Variants in ATRNL1 observed in about 807,000 individuals in gnomAD.
The protein encoded by ATRNL1 is attractin like 1, also known as attractin-like protein 1.
A neutral mutation model predicts 182.7 loss-of-function variants in ATRNL1; 95 were observed. That is an observed-to-expected ratio of 0.52 (90% CI 0.44 to 0.62). The LOEUF (loss-of-function observed/expected upper bound fraction) is 0.62, where lower values mean the gene tolerates loss of function less well. Among genes scored for constraint, ATRNL1 ranks in the 20% least tolerant of loss-of-function variants. ATRNL1 has a pLI of 0.00. For missense variants in ATRNL1, 1,471 were observed against 1,679.5 expected, an observed-to-expected ratio of 0.88 and a Z score of 2.17; for synonymous variants, 576 against 568.3, an observed-to-expected ratio of 1.01 and a Z score of -0.19.
In ATRNL1 at chr10:115,389,550, A is replaced by ATATG. The variant is rs1271389741; in HGVS notation, c.3176-5106_3176-5105insGTAT. Among the ~76,000 whole-genome samples, 14 of 54,774 alleles carry ATATG rather than the reference A, an allele frequency of 2.6e-4. 1 individual carries two copies. Among genetic ancestry groups the ATATG allele is most frequent in the African/African-American group, 8.8e-4 (14 of 15,924 alleles). The allele number at this position is 54,774 out of a possible 152,430, so 35.9% of individuals were successfully genotyped here. A position where few individuals can be genotyped will look rare whatever the true frequency, so the allele number is the denominator to read the frequency against. ...TTCAAATGTGTATGTGTATATATAT[A>ATATG]TATATATATATATATATATATATAT... On this transcript the variant is annotated intron_variant, in intron 19 of 28. Transcript: ENST00000355044.
Position 115,394,511 on chromosome 10 carries a change from A to G in ATRNL1, c.3176-148A>G, listed in dbSNP as rs1185422188. ...GTGAATTTACTTCCCTTTAATTAAAAATAATTTATACTATCTGGTAACCTT... is the reference window on the plus strand; with the variant it reads ...GTGAATTTACTTCCCTTTAATTAAAGATAATTTATACTATCTGGTAACCTT... On this transcript the variant is annotated intron_variant, in intron 19 of 28. Coordinates refer to ENST00000355044, the MANE Select transcript of ATRNL1 (RefSeq NM_207303.4). 22 of 607,352 alleles carry G rather than the reference A, an allele frequency of 3.6e-5. No individual in the cohort carries two copies. The East Asian group carries it at 6.4e-4, about 18-fold the overall frequency. The allele number at this position is 607,352 out of a possible 1,614,324, so 37.6% of individuals were successfully genotyped here.
Position 115,241,715 on chromosome 10 carries a change from A to T in ATRNL1, c.1677A>T (p.Ala559=), listed in dbSNP as rs782134913. ...AATGTTTTTCTGCCGATTTCCTGGC[A>T]TATGACATAGGTATGTATCTGTTAG... ...GAKCFSADFL[A]YDIACDEWKI... The change falls in exon 10 of 29, where the codon GCA becomes GCT. Residue 559 remains alanine, a synonymous_variant. Coordinates refer to ENST00000355044, the MANE Select transcript of ATRNL1 (RefSeq NM_207303.4). 22 of 1,609,614 alleles carry T rather than the reference A, an allele frequency of 1.4e-5. No individual in the cohort carries two copies. Among genetic ancestry groups the T allele is most frequent in the Non-Finnish European group, 1.7e-5 (20 of 1,176,918 alleles).
intron 27 of ATRNL1, among the ~76,000 whole-genome samples, chr10:115,789,670 C>A (rs1555081208): frequency 6.6e-6 from 1 of 152,176 alleles, no homozygotes; most frequent in Non-Finnish European, 1.5e-5. Context: ...TTTAAAATTT[C>A]TTTGCCCTAC....
chr10:115,230,274 C>A (rs73376400), intron 9 of ATRNL1, among the ~76,000 whole-genome samples: 1,884 of 152,164 alleles, frequency 0.012, 32 homozygotes, highest in African/African-American at 0.043. Context: ...GAAAAGAAAG[C>A]ATGGAAGGAA....
intron 26 of ATRNL1, among the ~76,000 whole-genome samples, chr10:115,598,179 T>G (rs1271697344): frequency 1.3e-5 from 2 of 151,312 alleles, no homozygotes; most frequent in Non-Finnish European, 2.9e-5. Context: ...CATCAGCATA[T>G]TAACAGCAAT....
intron 3 of ATRNL1, among the ~76,000 whole-genome samples, chr10:115,123,838 A>G (rs1255491927): frequency 6.6e-6 from 1 of 151,980 alleles, no homozygotes; most frequent in East Asian, 1.9e-4. Context: ...AGATTGTCAT[A>G]GGAGTACAGA....
At chr10:115,823,063 C>T (rs544368461) in intron 27 of ATRNL1, among the ~76,000 whole-genome samples, 1 of 152,286 alleles carries the variant, frequency 6.6e-6, no homozygotes, top group South Asian at 2.1e-4. Flanking sequence ...TCCAGCAGCA[C>T]ATCAAAAAGC....
intron 27 of ATRNL1, among the ~76,000 whole-genome samples, chr10:115,759,375 G>C (rs1449956051): frequency 5.3e-5 from 8 of 152,082 alleles, no homozygotes; most frequent in Non-Finnish European, 8.8e-5. Flanking sequence ...ATCTGTGAAT[G>C]GTAGGATGTT....
At chr10:115,156,772 A>G (rs1554882229) in intron 5 of ATRNL1, among the ~76,000 whole-genome samples, 3 of 152,194 alleles carry the variant, frequency 2.0e-5, no homozygotes, top group Non-Finnish European at 4.4e-5. Flanking sequence ...AAAGTAATGC[A>G]GAGAGAGTTA....
intron 1 of ATRNL1, among the ~76,000 whole-genome samples, chr10:115,112,984 C>T (rs2143547783): frequency 6.6e-6 from 1 of 152,286 alleles, no homozygotes; most frequent in Non-Finnish European, 1.5e-5. Flanking sequence ...CAAGTGGGAT[C>T]AAGATCTTGA....
At chr10:115,264,130 C>T (rs904300897) in intron 10 of ATRNL1, among the ~76,000 whole-genome samples, 7 of 151,146 alleles carry the variant, frequency 4.6e-5, no homozygotes, top group Non-Finnish European at 8.9e-5. Context: ...ATGTGCACAA[C>T]GTGCACGTTT....
chr10:115,587,976 A>C (rs987510746), intron 26 of ATRNL1, among the ~76,000 whole-genome samples: 9 of 152,212 alleles, frequency 5.9e-5, no homozygotes, highest in Non-Finnish European at 1.2e-4. Context: ...ATAAGAAATG[A>C]AAATCAAATT....
intron 24 of ATRNL1, among the ~76,000 whole-genome samples, chr10:115,484,567 C>G (rs1848928651): frequency 6.6e-6 from 1 of 151,502 alleles, no homozygotes. Flanking sequence ...CTTATTTTCC[C>G]AATGAGTGCT....
intron 27 of ATRNL1, among the ~76,000 whole-genome samples, chr10:115,794,280 T>A (rs782401296): frequency 9.9e-5 from 15 of 152,154 alleles, no homozygotes; most frequent in Non-Finnish European, 2.1e-4. Context: ...ATTTGCCACC[T>A]GACACCCTTT....
intron 26 of ATRNL1, among the ~76,000 whole-genome samples, chr10:115,628,933 G>A (rs980045061): frequency 2.0e-5 from 3 of 152,100 alleles, no homozygotes; most frequent in African/African-American, 4.8e-5. Flanking sequence ...AATAGTCTTG[G>A]CCTTCATGTC....
chr10:115,227,489 G>A (rs1232013896), intron 9 of ATRNL1, among the ~76,000 whole-genome samples: 1 of 152,142 alleles, frequency 6.6e-6, no homozygotes, highest in African/African-American at 2.4e-5. Flanking sequence ...AATTATTTCA[G>A]CCACTGTGGA....
intron 26 of ATRNL1, among the ~76,000 whole-genome samples, chr10:115,691,121 G>A (rs1362595749): frequency 6.6e-6 from 1 of 152,102 alleles, no homozygotes; most frequent in Non-Finnish European, 1.5e-5. Context: ...GCTTCCTTCT[G>A]GAGAAGGCAG....
At chr10:115,715,387 T>A (rs1555055971) in intron 26 of ATRNL1, among the ~76,000 whole-genome samples, 1 of 152,200 alleles carries the variant, frequency 6.6e-6, no homozygotes, top group Non-Finnish European at 1.5e-5. Context: ...ATAAACTGAA[T>A]GTTTCTAAAT....
chr10:115,274,862 C>T (rs782644095), intron 13 of ATRNL1, among the ~76,000 whole-genome samples: 4 of 152,336 alleles, frequency 2.6e-5, no homozygotes, highest in African/African-American at 9.6e-5. Context: ...AATGAAACCA[C>T]ATCTGATAAG....
Sources: allele counts gnomAD v4.1 joint callset (sites outside exome capture counted in the v4.1 genomes callset), GRCh38; gene constraint gnomAD v4.1.1; transcripts MANE v1.5; gene names NCBI Gene and HGNC (gene_info 2026-07-23, HGNC 2026-07-21).